Variants in FAM149A observed in about 807,000 individuals in gnomAD.
FAM149A encodes the protein family with sequence similarity 149 member A, also known as protein FAM149A.
In FAM149A, 71 loss-of-function variants were observed where a neutral mutation model predicts 78.2. The ratio of observed to expected loss-of-function variants is 0.91; its 90% confidence interval spans 0.75 to 1.11. FAM149A has a LOEUF of 1.11. Ranked by LOEUF, FAM149A falls within the 50% of genes least tolerant of loss-of-function variation. The pLI is 0.00. For missense variants in FAM149A, 1,036 were observed against 971.0 expected, an observed-to-expected ratio of 1.07 and a Z score of -0.89; for synonymous variants, 446 against 410.5, an observed-to-expected ratio of 1.09 and a Z score of -1.04.
In FAM149A at chr4:186,153,661, C is replaced by T. The variant is rs994048613; in HGVS notation, c.949C>T (p.Leu317=). ...ACCTCGCAGAGTATTAGGAAGACAGCTGATCCTGCCCACTGACAAAGGCGT... is the reference window on the plus strand; with the variant it reads ...ACCTCGCAGAGTATTAGGAAGACAGTTGATCCTGCCCACTGACAAAGGCGT... Residue 317 remains leucine (L), a synonymous_variant, in exon 5 of 14, where the codon CTG becomes TTG. Coordinates refer to ENST00000389354, the MANE Select transcript of FAM149A (RefSeq NM_001367768.3). 5 of 1,613,982 alleles carry T rather than the reference C, an allele frequency of 3.1e-6. No homozygotes were observed. The Admixed American group carries it at 8.3e-5, about 27-fold the overall frequency.
At chr4:186,125,368 G>GA in intron 1 of FAM149A, 1 of 978,468 alleles carries the variant, frequency 1.0e-6, no homozygotes, top group Non-Finnish European at 1.2e-6. Context: ...CCCTGCGGAG[G>GA]TCTCTTGATG....
At chr4:186,137,034 G>T (rs2126392226) in intron 1 of FAM149A, among the ~76,000 whole-genome samples, 1 of 135,320 alleles carries the variant, frequency 7.4e-6, no homozygotes, top group South Asian at 2.3e-4. Flanking sequence ...GCTTAAAGCA[G>T]GGCCTGGTGT....
chr4:186,173,558 T>C lies in FAM149A; in HGVS notation c.*1571T>C, dbSNP rs1561423455. On this transcript the variant is annotated 3_prime_UTR_variant, in exon 14 of 14. Coordinates refer to ENST00000389354, the MANE Select transcript of FAM149A (RefSeq NM_001367768.3). ...TTTTAGTAGAGGCAGGGTTTCACCA[T>C]GTTAGCCAGGCCGGTGTTGAACTCC... Among the ~76,000 whole-genome samples the C allele has an allele frequency of 1.8e-5, 2 of 111,204 alleles. 1 individual carries two copies. Among genetic ancestry groups the C allele is most frequent in the African/African-American group, 5.7e-5 (2 of 35,368 alleles). The allele number at this position is 111,204 out of a possible 152,430, so 73.0% of individuals were successfully genotyped here.
intron 1 of FAM149A, 128 bp from the exon 2 acceptor site, chr4:186,149,045 G>C (rs1343208347): frequency 2.1e-6 from 1 of 475,480 alleles, no homozygotes. Context: ...CTCATGCACA[G>C]GTGGGTTTGG....
intron 1 of FAM149A, chr4:186,130,295 A>ATATATG (rs1343848778): frequency 7.7e-5 from 2 of 25,968 alleles, no homozygotes; most frequent in Admixed American, 3.7e-4. Context: ...CTCTCTCTCT[A>ATATATG]TATATATATA....
chr4:186,125,254 G>A lies in FAM149A; in HGVS notation c.566+19612G>A, dbSNP rs114657445. 1.2e-3 allele frequency: 1,168 copies of A among 985,220 alleles called. 13 individuals are homozygous for A. The African/African-American group carries it at 0.019, about 16-fold the overall frequency. The allele number at this position is 985,220 out of a possible 1,614,324, so 61.0% of individuals were successfully genotyped here. On this transcript the variant is annotated intron_variant, in intron 1 of 13. Transcript: ENST00000389354. ...TTCTCTAAGTAATGATGCAGTTCAG[G>A]CCCTCAGCTTGTTGTTTTGTGATAT...
chr4:186,121,863 C>T (rs1057403176), intron 1 of FAM149A, among the ~76,000 whole-genome samples: 2 of 152,164 alleles, frequency 1.3e-5, no homozygotes, highest in African/African-American at 4.8e-5. Flanking sequence ...ACATTTGGCT[C>T]TTGATATAAT....
At chr4:186,136,980 C>CTCTCTCTCTCTCTCTCTCTCTCTCTT (rs2099323370) in intron 1 of FAM149A, among the ~76,000 whole-genome samples, 1 of 116,008 alleles carries the variant, frequency 8.6e-6, no homozygotes, top group African/African-American at 3.4e-5. Flanking sequence ...CTCTCTTTCT[C>CTCTCTCTCTCTCTCTCTCTCTCTCTT]TCTCTCTCTC....
intron 1 of FAM149A, chr4:186,125,639 A>T: frequency 2.2e-6 from 2 of 902,000 alleles, no homozygotes; most frequent in Non-Finnish European, 2.7e-6. Flanking sequence ...TTTAAGTGAG[A>T]TCATTCCCAT....
chr4:186,166,732 GT>G (rs56129279), intron 11 of FAM149A, among the ~76,000 whole-genome samples: 134,408 of 150,348 alleles, frequency 0.89, 60,209 homozygotes, highest in African/African-American at 0.95. Flanking sequence ...TTTTCTTAAG[GT>G]TTTTTTTATC....
intron 1 of FAM149A, among the ~76,000 whole-genome samples, chr4:186,130,314 T>TATATATATATATA (rs141900902): frequency 1.7e-5 from 2 of 116,486 alleles, no homozygotes; most frequent in Middle Eastern, 4.5e-3. Context: ...TATATATATA[T>TATATATATATATA]AATCTATATC....
At chr4:186,121,387 A>G (rs2099316025) in intron 1 of FAM149A, among the ~76,000 whole-genome samples, 1 of 152,216 alleles carries the variant, frequency 6.6e-6, no homozygotes, top group Non-Finnish European at 1.5e-5. Context: ...TATTTGTTTA[A>G]CATTTAACAT....
chr4:186,169,387 G>T (rs1227664165), intron 13 of FAM149A: 3 of 985,410 alleles, frequency 3.0e-6, no homozygotes, highest in Non-Finnish European at 3.6e-6. Flanking sequence ...TGAGGCGCGT[G>T]CCCCATGCAG....
At chr4:186,134,656 C>A (rs762614452) in intron 1 of FAM149A, among the ~76,000 whole-genome samples, 1 of 152,134 alleles carries the variant, frequency 6.6e-6, no homozygotes, top group African/African-American at 2.4e-5. Context: ...AAAGGGTGTT[C>A]TGCTGGTGTT....
At chr4:186,145,095 G>C in intron 1 of FAM149A, 2 of 985,520 alleles carry the variant, frequency 2.0e-6, no homozygotes, top group Non-Finnish European at 2.4e-6. Flanking sequence ...GCACAGGCCC[G>C]GGGCTGATCG....
chr4:186,163,545 C>T lies in FAM149A; in HGVS notation c.1801C>T (p.Pro601Ser), dbSNP rs774829054. The T allele has an allele frequency of 1.2e-6, 2 of 1,613,988 alleles. No homozygotes were observed. The highest frequency in any genetic ancestry group is 1.3e-5 in the African/African-American group (1 of 74,910). Residue 601 changes from proline (P) to serine (S), a missense_variant, in exon 10 of 14, where the codon CCC becomes TCC. Pro to Ser is a moderately conservative substitution (Grantham distance 74, BLOSUM62 -1). Transcript: ENST00000389354. Reference sequence around the variant, plus strand: ...ACCTTCTGCAAAGAAAACACCAGTGCCCTGGAGGCTGCCTTCTCTTGCTTC... The same window carrying T: ...ACCTTCTGCAAAGAAAACACCAGTGTCCTGGAGGCTGCCTTCTCTTGCTTC...
chr4:186,110,797 T>A (rs1385662164), intron 1 of FAM149A, among the ~76,000 whole-genome samples: 24 of 149,844 alleles, frequency 1.6e-4, no homozygotes, highest in East Asian at 7.8e-4. Context: ...TCTATCATTG[T>A]TGGACATTTG....
chr4:186,124,604 T>C (rs1006176233), intron 1 of FAM149A, among the ~76,000 whole-genome samples: 78 of 152,322 alleles, frequency 5.1e-4, no homozygotes, highest in African/African-American at 1.7e-3. Context: ...CATCCTTTTT[T>C]ATGGCTGCAT....
intron 1 of FAM149A, among the ~76,000 whole-genome samples, chr4:186,113,993 G>T (rs2099312426): frequency 6.7e-6 from 1 of 148,224 alleles, no homozygotes; most frequent in Non-Finnish European, 1.5e-5. Flanking sequence ...TGACAGTGGG[G>T]TGTTAAAGTC....
Sources: allele counts gnomAD v4.1 joint callset (sites outside exome capture counted in the v4.1 genomes callset), GRCh38; gene constraint gnomAD v4.1.1; transcripts MANE v1.5; gene names NCBI Gene and HGNC (gene_info 2026-07-23, HGNC 2026-07-21).